The following EPB41L1 variants were observed in gnomAD, a reference collection of about 807,000 sequenced individuals.
EPB41L1 encodes band 4.1-like protein 1.
In EPB41L1, 29 loss-of-function variants were observed where a neutral mutation model predicts 97.8. That is an observed-to-expected ratio of 0.30 (90% CI 0.22 to 0.40). The LOEUF (loss-of-function observed/expected upper bound fraction) is 0.40, where lower values mean the gene tolerates loss of function less well. EPB41L1 is among the 10% of genes least tolerant of loss of function. The probability of loss-of-function intolerance (pLI) is 1.00; values close to 1 mark genes in which losing one functional copy is unlikely to be tolerated. For missense variants in EPB41L1, 812 were observed against 1,162.3 expected, an observed-to-expected ratio of 0.70 and a Z score of 4.38; for synonymous variants, 383 against 459.2, an observed-to-expected ratio of 0.83 and a Z score of 2.12.
chr20:36,222,022 G>A, intron 20 of EPB41L1, 78 bp downstream of exon 20: 2 of 1,458,910 alleles, frequency 1.4e-6, no homozygotes, highest in Non-Finnish European at 1.9e-6. Flanking sequence ...CCCATGGATG[G>A]CTATCCTCAT....
chr20:36,107,596 G>A (rs901813600), intron 1 of EPB41L1, among the ~76,000 whole-genome samples: 22 of 150,944 alleles, frequency 1.5e-4, no homozygotes, highest in African/African-American at 5.1e-4. Context: ...TTGGGAGGCC[G>A]AGGTGGGCAG....
At chr20:36,109,283 G>A (rs1406014846) in intron 1 of EPB41L1, among the ~76,000 whole-genome samples, 1 of 152,088 alleles carries the variant, frequency 6.6e-6, no homozygotes, top group African/African-American at 2.4e-5. Context: ...AAAAACCTTG[G>A]TCTGGGTCCT....
intron 14 of EPB41L1, among the ~76,000 whole-genome samples, chr20:36,204,336 A>C (rs2062669203): frequency 6.6e-6 from 1 of 152,166 alleles, no homozygotes; most frequent in African/African-American, 2.4e-5. Flanking sequence ...TGTGGCCACA[A>C]GATGAAAAAC....
At position 36,178,687 on chromosome 20, in the gene EPB41L1, G is replaced by A. The variant is rs753162726; in HGVS notation, c.490+15G>A. On this transcript the variant is annotated intron_variant, in intron 5 of 21. Transcript: ENST00000338074. ...GCAGATCCGGAGTGAGTGGCTTGTT[G>A]TGTTTGGGGAGGTGGGTGGGTGAGG... 1 of 1,613,956 alleles carries A rather than the reference G, an allele frequency of 6.2e-7. No individual in the cohort carries two copies. The highest frequency in any genetic ancestry group is 8.5e-7 in the Non-Finnish European group (1 of 1,179,964).
intron 7 of EPB41L1, among the ~76,000 whole-genome samples, chr20:36,186,892 A>G (rs2061706251): frequency 6.6e-6 from 1 of 152,204 alleles, no homozygotes; most frequent in South Asian, 2.1e-4. Context: ...AAGACCTGTA[A>G]TGAAGTGATT....
intron 1 of EPB41L1, chr20:36,155,693 G>T: frequency 2.2e-6 from 1 of 453,832 alleles, no homozygotes. Context: ...TTCTGGGGAT[G>T]CTGGTCTCTC....
intron 21 of EPB41L1, among the ~76,000 whole-genome samples, chr20:36,222,690 G>A (rs2063856145): frequency 6.6e-6 from 1 of 152,188 alleles, no homozygotes; most frequent in African/African-American, 2.4e-5. Context: ...GAAATGGAGA[G>A]AGGATTGACA....
intron 17 of EPB41L1, among the ~76,000 whole-genome samples, 181 bp from the exon 18 acceptor site, chr20:36,218,695 C>A (rs1426193753): frequency 6.6e-6 from 1 of 152,214 alleles, no homozygotes; most frequent in African/African-American, 2.4e-5. Context: ...TGCGAGTGAA[C>A]AAATGTGTGC....
At chr20:36,215,452 G>A (rs2063386439) in intron 17 of EPB41L1, among the ~76,000 whole-genome samples, 1 of 152,184 alleles carries the variant, frequency 6.6e-6, no homozygotes, top group Non-Finnish European at 1.5e-5. Flanking sequence ...TTCAAATACT[G>A]TTTCTTGCCA....
intron 21 of EPB41L1, among the ~76,000 whole-genome samples, chr20:36,227,747 C>A (rs989121719): frequency 1.3e-5 from 2 of 152,232 alleles, no homozygotes; most frequent in African/African-American, 4.8e-5. Flanking sequence ...ACTCTGTCTT[C>A]CTTCTTAAAG....
intron 21 of EPB41L1, among the ~76,000 whole-genome samples, chr20:36,225,422 G>T (rs572675297): frequency 7.6e-4 from 116 of 152,328 alleles, no homozygotes; most frequent in Admixed American, 1.8e-3. Context: ...AGAAAGACTG[G>T]ACTGGGACCT....
At chr20:36,201,746 G>A (rs2062508780) in intron 14 of EPB41L1, among the ~76,000 whole-genome samples, 1 of 152,122 alleles carries the variant, frequency 6.6e-6, no homozygotes, top group South Asian at 2.1e-4. Context: ...ATGGATGCTG[G>A]GCATAGAATC....
chr20:36,171,037 GGGAGGAGT>G (rs1273374550), intron 1 of EPB41L1, among the ~76,000 whole-genome samples: 1 of 152,162 alleles, frequency 6.6e-6, no homozygotes, highest in Non-Finnish European at 1.5e-5. Flanking sequence ...CCATCGGAGA[GGGAGGAGT>G]GGAAGTGTCT....
intron 5 of EPB41L1, among the ~76,000 whole-genome samples, chr20:36,180,807 C>G (rs1390132191): frequency 6.6e-6 from 1 of 152,020 alleles, no homozygotes; most frequent in Non-Finnish European, 1.5e-5. Flanking sequence ...CATTATTATT[C>G]CTGAGGTAGG....
chr20:36,154,665 G>T, upstream of EPB41L1: 1 of 975,630 alleles, frequency 1.0e-6, no homozygotes, highest in African/African-American at 1.8e-5. The surrounding 1 kb of genome is among the most constrained non-coding windows in gnomAD (Gnocchi z 5.5). Context: ...CGCGTCGGGC[G>T]CCAGGCCCGG....
rs1407295924 is a variant in EPB41L1, at chr20:36,092,555, G to GC, written c.-65+946dup. On this transcript the variant is annotated intron_variant, in intron 1 of 19. Transcript: ENST00000202028. This position sits in a 1 kb window ranked among gnomAD's most constrained non-coding sequence, Gnocchi z 7.0. ...GCCGCCGCTGCTTGCTCGTTCGCCC[G>GC]CCCGCTGCTGCTTGGGGGGCCGGGA... is the stretch of plus-strand genomic sequence containing the variant. 7 of 151,904 alleles carry GC rather than the reference G, an allele frequency of 4.6e-5. No homozygotes were observed. In the East Asian group the frequency reaches 1.4e-3, roughly 30 times the overall value. 9.4% of individuals were successfully genotyped at this position (151,904 alleles called of 1,614,324 possible).
chr20:36,195,360 A>C lies in EPB41L1; in HGVS notation c.1481A>C (p.Gln494Pro). Residue 494 changes from glutamine (Q) to proline (P), a missense_variant, in exon 13 of 22, where the codon CAG (glutamine) becomes CCG (proline). Gln to Pro is a moderately conservative substitution (Grantham distance 76, BLOSUM62 -1). Coordinates refer to ENST00000338074, the MANE Select transcript of EPB41L1 (RefSeq NM_012156.2). The surrounding 1 kb of genome is among the most constrained non-coding windows in gnomAD (Gnocchi z 4.6). ...PEQETTPRHK[Q>P]EFLDKPEDVL... The stretch of plus-strand genomic sequence containing the variant: ...CAGGAAACCACGCCGAGACACAAGC[A>C]GGAGGTACTGCATGGGACCTGTCCC... 6.2e-7 allele frequency: 1 copy of C among 1,613,916 alleles called. No individual in the cohort carries two copies. Among genetic ancestry groups the C allele is most frequent in the South Asian group, 1.1e-5 (1 of 91,076 alleles).
At chr20:36,119,027 ACTT>A (rs748174982) in intron 2 of EPB41L1, among the ~76,000 whole-genome samples, 30 of 152,336 alleles carry the variant, frequency 2.0e-4, no homozygotes, top group Non-Finnish European at 4.1e-4. Flanking sequence ...TTAACCAAGC[ACTT>A]CTTCTATAAC....
intron 2 of EPB41L1, among the ~76,000 whole-genome samples, chr20:36,121,074 G>GAAA (rs5841226): frequency 3.9e-4 from 56 of 141,810 alleles, no homozygotes; most frequent in East Asian, 1.0e-3. Context: ...TGTCTGACAT[G>GAAA]AAAAAAAAAA....
Sources: allele counts gnomAD v4.1 joint callset (sites outside exome capture counted in the v4.1 genomes callset), GRCh38; gene constraint gnomAD v4.1.1; non-coding constraint Gnocchi (gnomAD v3.1); transcripts MANE v1.5; gene names NCBI Gene and HGNC (gene_info 2026-07-23, HGNC 2026-07-21).